TENM1: variants seen among roughly 807,000 people sequenced by gnomAD.
TENM1 encodes teneurin-1.
In TENM1, 35 loss-of-function variants were observed where a neutral mutation model predicts 174.8. The ratio of observed to expected loss-of-function variants is 0.20; its 90% CI spans 0.15 to 0.27. TENM1 has a LOEUF of 0.27. TENM1 is among the 10% of genes least tolerant of loss of function. The pLI is 1.00. For synonymous variants in TENM1, 781 were observed against 798.7 expected (o/e 0.98, Z 0.37); for missense variants, 1,633 against 2,130.1 (o/e 0.77, Z 4.59).
chrX:124,683,255 G>T (rs2052280001), intron 5 of TENM1, among the ~76,000 whole-genome samples: 1 of 111,547 alleles, frequency 9.0e-6, no homozygotes, highest in African/African-American at 3.3e-5. Flanking sequence ...AGGACACAGA[G>T]AGCTGACACT....
intron 1 of TENM1, among the ~76,000 whole-genome samples, chrX:124,910,276 T>A (rs1259470389): frequency 8.9e-6 from 1 of 112,170 alleles, no homozygotes; most frequent in Non-Finnish European, 1.9e-5. Flanking sequence ...ACTTATATTA[T>A]CCAAATCCTT....
At chrX:124,403,677 T>G (rs1184364321) in intron 27 of TENM1, among the ~76,000 whole-genome samples, 1 of 111,435 alleles carries the variant, frequency 9.0e-6, no homozygotes, top group Non-Finnish European at 1.9e-5. Flanking sequence ...ATTTTTGATA[T>G]GAGTTCTACA....
At chrX:124,594,185 G>A (rs1330175958) in intron 11 of TENM1, among the ~76,000 whole-genome samples, 1 of 111,735 alleles carries the variant, frequency 8.9e-6, no homozygotes, top group Non-Finnish European at 1.9e-5. Flanking sequence ...GAGTCACAGA[G>A]GGAAGCTCTC....
At chrX:124,847,804 T>C (rs1266569496) in intron 3 of TENM1, among the ~76,000 whole-genome samples, 1 of 111,745 alleles carries the variant, frequency 8.9e-6, no homozygotes, top group Non-Finnish European at 1.9e-5. Context: ...GTAGGCTTTG[T>C]AATCAGCAAA....
At chrX:124,770,257 A>C (rs894567477) in intron 3 of TENM1, among the ~76,000 whole-genome samples, 15 of 111,057 alleles carry the variant, frequency 1.4e-4, no homozygotes, top group Non-Finnish European at 2.6e-4. Context: ...CTCCCCACCC[A>C]CTTCATTTCT....
chrX:124,989,982 G>T, the TENM1 span, among the ~76,000 whole-genome samples: 2 of 111,543 alleles, frequency 1.8e-5, no homozygotes, highest in Non-Finnish European at 3.8e-5. Context: ...CTAGTTTCAT[G>T]GAACTAAAAA....
At chrX:125,075,465 T>C in the TENM1 span, among the ~76,000 whole-genome samples, 1 of 111,654 alleles carries the variant, frequency 9.0e-6, no homozygotes, top group Non-Finnish European at 1.9e-5. Flanking sequence ...GCATAAGTTT[T>C]TATGTAGACA....
At chrX:124,963,476 T>G (rs1320658647) in intron 1 of TENM1, 61 bp downstream of exon 4, 10 of 1,015,391 alleles carry the variant, frequency 9.8e-6, no homozygotes, top group Non-Finnish European at 1.4e-5. Context: ...ACAAAGTTTA[T>G]GCACACAAGC....
chrX:124,711,948 TTG>T (rs1569406620), intron 4 of TENM1, among the ~76,000 whole-genome samples: 1 of 111,913 alleles, frequency 8.9e-6, no homozygotes, highest in Non-Finnish European at 1.9e-5. Context: ...CATACAGTAT[TTG>T]TGTTTTTGTG....
chrX:124,541,503 G>A (rs1391570949), intron 15 of TENM1, among the ~76,000 whole-genome samples: 1 of 112,040 alleles, frequency 8.9e-6, no homozygotes, highest in East Asian at 2.8e-4. Flanking sequence ...ATGATTGAAA[G>A]CTTCCCGAGG....
At chrX:124,771,778 T>C (rs2054659286) in intron 3 of TENM1, among the ~76,000 whole-genome samples, 1 of 111,841 alleles carries the variant, frequency 8.9e-6, no homozygotes, top group African/African-American at 3.2e-5. Context: ...GTCATGAAAA[T>C]GTAATGATTC....
chrX:124,455,626 C>T (rs187966426), intron 22 of TENM1, among the ~76,000 whole-genome samples: 4 of 111,283 alleles, frequency 3.6e-5, no homozygotes, highest in East Asian at 2.8e-4. Flanking sequence ...TCGACATGTA[C>T]GAAATCATGA....
chrX:124,609,144 G>C (rs1167265885), intron 11 of TENM1, among the ~76,000 whole-genome samples: 1 of 111,388 alleles, frequency 9.0e-6, no homozygotes, highest in East Asian at 2.8e-4. Flanking sequence ...CAACACACAG[G>C]GGGTTTTTGA....
chrX:124,920,265 G>A (rs2147674479), intron 1 of TENM1, among the ~76,000 whole-genome samples: 1 of 111,163 alleles, frequency 9.0e-6, no homozygotes, highest in Non-Finnish European at 1.9e-5. Flanking sequence ...GTTTTTACAA[G>A]ACTGAGATAA....
chrX:125,113,300 G>A, the TENM1 span, among the ~76,000 whole-genome samples: 3 of 110,801 alleles, frequency 2.7e-5, no homozygotes, highest in South Asian at 3.8e-4. Context: ...AAAATGCAGC[G>A]GAAAACTGTC....
intron 28 of TENM1, among the ~76,000 whole-genome samples, chrX:124,387,229 ACTGAT>A (rs1003186397): frequency 9.1e-6 from 1 of 110,081 alleles, no homozygotes; most frequent in Non-Finnish European, 1.9e-5. Flanking sequence ...TCTCCCCCAA[ACTGAT>A]CTGTATTTTA....
At chrX:124,727,751 A>G (rs1489593273) in intron 4 of TENM1, among the ~76,000 whole-genome samples, 1 of 111,669 alleles carries the variant, frequency 9.0e-6, no homozygotes, top group Non-Finnish European at 1.9e-5. Flanking sequence ...CAGGGGATGG[A>G]CATGGGAAGA....
intron 3 of TENM1, among the ~76,000 whole-genome samples, chrX:124,797,556 C>A (rs1280469966): frequency 9.0e-6 from 1 of 111,111 alleles, no homozygotes; most frequent in Non-Finnish European, 1.9e-5. Flanking sequence ...TCCCTGGAAA[C>A]ATAATTAAAG....
the TENM1 span, among the ~76,000 whole-genome samples, chrX:125,172,915 C>T: frequency 9.0e-6 from 1 of 111,473 alleles, no homozygotes; most frequent in East Asian, 2.8e-4. Flanking sequence ...ACATGCAGAA[C>T]CAATTTTAAT....
Sources: gnomAD v4.1 joint callset for allele counts (sites outside exome capture counted in the v4.1 genomes callset) on GRCh38, gnomAD v4.1.1 for gene constraint, MANE v1.5 for transcripts, NCBI Gene and HGNC (gene_info 2026-07-23, HGNC 2026-07-21) for gene names.